The following ALMS1 variants were observed in gnomAD, a reference collection of about 807,000 sequenced individuals.
ALMS1 encodes the protein centrosome-associated protein ALMS1.
In ALMS1, 271 loss-of-function variants were observed where a neutral mutation model predicts 352.2. That is an observed-to-expected ratio of 0.77 (90% CI 0.70 to 0.85). The LOEUF is 0.85. Ranked by LOEUF, ALMS1 falls within the 40% of genes least tolerant of loss-of-function variation. The pLI is 0.00. For synonymous variants in ALMS1, 1,865 were observed against 1,761.2 expected, an observed-to-expected ratio of 1.06 and a Z score of -1.48; for missense variants, 5,445 against 4,870.7, an observed-to-expected ratio of 1.12 and a Z score of -3.51.
At chr2:73,417,079 C>G (rs1671194397) in intron 2 of ALMS1, among the ~76,000 whole-genome samples, 2 of 151,870 alleles carry the variant, frequency 1.3e-5, no homozygotes, top group African/African-American at 4.8e-5. Flanking sequence ...GTTAACAGAG[C>G]AAAAGCCTGT....
rs773841585 is a variant in ALMS1, at chr2:73,451,218, C to G, written c.4691C>G (p.Pro1564Arg). The part of the protein sequence containing the change: ...PGPADQTTGI[P>R]TITSTSYSFG... ...CCAGCTGACCAGACAACTGGCATAC[C>G]AACCATAACCTCTACTTCCTACTCA... is the stretch of plus-strand genomic sequence containing the variant. The change falls in exon 8 of 23, where the codon CCA becomes CGA. Residue 1564 changes from proline (P) to arginine (R), a missense_variant. Pro to Arg is a moderately radical substitution (Grantham distance 103). Coordinates refer to ENST00000613296, the MANE Select transcript of ALMS1 (RefSeq NM_001378454.1). 1.2e-6 allele frequency: 2 copies of G among 1,612,066 alleles called. No homozygotes were observed. The highest frequency in any genetic ancestry group is 1.7e-5 in the Admixed American group (1 of 59,798).
intron 16 of ALMS1, among the ~76,000 whole-genome samples, chr2:73,581,707 TC>T (rs1675183275): frequency 6.6e-6 from 1 of 152,128 alleles, no homozygotes; most frequent in African/African-American, 2.4e-5. Context: ...GAGTTGTGTG[TC>T]CCTCTGACCA....
intron 16 of ALMS1, among the ~76,000 whole-genome samples, chr2:73,574,721 T>C (rs1406555803): frequency 2.0e-5 from 3 of 152,124 alleles, no homozygotes; most frequent in Non-Finnish European, 2.9e-5. Flanking sequence ...ATAGGGGAGA[T>C]AGATAAATGG....
intron 1 of ALMS1, among the ~76,000 whole-genome samples, chr2:73,389,847 G>A (rs188145917): frequency 3.2e-4 from 49 of 152,004 alleles, no homozygotes; most frequent in African/African-American, 1.2e-3. Context: ...CCACCACCAC[G>A]CCTGGCTAAT....
intron 3 of ALMS1, among the ~76,000 whole-genome samples, chr2:73,421,289 T>C (rs569854329): frequency 2.6e-4 from 40 of 152,188 alleles, no homozygotes; most frequent in Non-Finnish European, 5.6e-4. Context: ...CTCTAATTTT[T>C]TTTGAGAAAA....
rs200979896 is a variant in ALMS1 at position 73,453,354 on chromosome 2, G to A, written c.6827G>A (p.Arg2276Gln). ...LMEAENMALK[R>Q]CNFPAPLARF... Reference sequence around the variant, plus strand: ...GAGGCAGAAAATATGGCACTGAAACGATGCAATTTTCCTGCTCCCCTTGCC... The same window carrying A: ...GAGGCAGAAAATATGGCACTGAAACAATGCAATTTTCCTGCTCCCCTTGCC... The change falls in exon 8 of 23, where the codon CGA becomes CAA. Residue 2276 changes from arginine to glutamine, a missense_variant. Transcript: ENST00000613296. 3.7e-5 allele frequency: 59 copies of A among 1,613,842 alleles called. No individual in the cohort carries two copies. The Admixed American group carries it at 8.7e-4, about 24-fold the overall frequency.
At position 73,448,266 on chromosome 2, in the gene ALMS1, A is replaced by C. The variant is rs780107802; in HGVS notation, c.1739A>C (p.Lys580Thr). 1.9e-6 allele frequency: 3 copies of C among 1,613,924 alleles called. No homozygotes were observed. The Admixed American group carries it at 5.0e-5, about 27-fold the overall frequency. Residue 580 changes from lysine to threonine, a missense_variant, in exon 8 of 23, where the codon AAG becomes ACG. By Grantham distance (78) the Lys-to-Thr change is moderately conservative. Coordinates refer to ENST00000613296, the MANE Select transcript of ALMS1 (RefSeq NM_001378454.1). ...TCTAGTTCCCACTCACATAGGGGGA[A>C]GCCCAGCATTTTCTACCAGCAGGGC... ...VLSSSHSHRGKPSIFYQQGLP... is the reference protein window; with the variant it reads ...VLSSSHSHRGTPSIFYQQGLP...
intron 11 of ALMS1, among the ~76,000 whole-genome samples, chr2:73,521,580 C>CAAA (rs565126393): frequency 1.1e-5 from 1 of 94,902 alleles, no homozygotes; most frequent in East Asian, 3.9e-4. Flanking sequence ...ACTAAAAATA[C>CAAA]AAAAAAAAAA....
chr2:73,493,346 T>TACACAC (rs55857864), intron 10 of ALMS1, among the ~76,000 whole-genome samples: 20 of 144,486 alleles, frequency 1.4e-4, no homozygotes, highest in South Asian at 4.5e-4. Flanking sequence ...TAAGGCAAAC[T>TACACAC]ACACACACAC....
rs201478438 is a variant in ALMS1, at chr2:73,422,969, T to A, written c.759T>A (p.Pro253=). The part of the protein sequence containing the change: ...LFHQSELSFA[P]LRGIPDKSED... ...ATCAAAGTGAACTAAGTTTTGCACCTCTGAGGTAGGATGATTTATTTGCAT... is the reference window on the plus strand; with the variant it reads ...ATCAAAGTGAACTAAGTTTTGCACCACTGAGGTAGGATGATTTATTTGCAT... The change falls in exon 4 of 23, where the codon CCT becomes CCA. Residue 253 remains proline (P), a synonymous_variant. Coordinates refer to ENST00000613296, the MANE Select transcript of ALMS1 (RefSeq NM_001378454.1). 53 of 1,604,122 alleles carry A rather than the reference T, an allele frequency of 3.3e-5. No homozygotes were observed. In the African/African-American group the frequency reaches 6.7e-4, roughly 20 times the overall value.
chr2:73,444,980 A>G (rs189756023), intron 7 of ALMS1, among the ~76,000 whole-genome samples: 19 of 152,294 alleles, frequency 1.2e-4, no homozygotes, highest in Admixed American at 1.1e-3. Flanking sequence ...AATAACAACA[A>G]TGAAGACAAA....
intron 10 of ALMS1, 68 bp from the exon 11 acceptor site, chr2:73,519,707 T>TGGAAAGAGATTTCAGTCTCTAATGGCCAA: frequency 1.2e-6 from 2 of 1,601,026 alleles, no homozygotes; most frequent in Non-Finnish European, 1.7e-6. Context: ...AAACCACTTT[T>TGGAAAGAGATTTCAGTCTCTAATGGCCAA]GGAAAGAGAT....
At chr2:73,563,359 T>A (rs1674705976) in intron 15 of ALMS1, among the ~76,000 whole-genome samples, 1 of 152,048 alleles carries the variant, frequency 6.6e-6, no homozygotes, top group Admixed American at 6.6e-5. Flanking sequence ...ATCAAATAAC[T>A]TAGCATAAAA....
intron 12 of ALMS1, among the ~76,000 whole-genome samples, chr2:73,541,939 A>T (rs1257205479): frequency 6.6e-6 from 1 of 152,238 alleles, no homozygotes; most frequent in Non-Finnish European, 1.5e-5. Flanking sequence ...TACCAGAGGT[A>T]CAAGGAGGAG....
At chr2:73,581,868 C>T (rs1214615990) in intron 16 of ALMS1, among the ~76,000 whole-genome samples, 5 of 152,058 alleles carry the variant, frequency 3.3e-5, no homozygotes, top group African/African-American at 1.2e-4. Flanking sequence ...CCTCAGCCTA[C>T]CGAGTAGCTG....
At chr2:73,484,252 C>T (rs1036637504) in intron 9 of ALMS1, among the ~76,000 whole-genome samples, 1 of 151,696 alleles carries the variant, frequency 6.6e-6, no homozygotes, top group Admixed American at 6.6e-5. Flanking sequence ...TTCAGGAGCT[C>T]TTTTAGGGCA....
rs1672983127 is a variant in ALMS1, at chr2:73,491,395, C to T, written c.9436C>T (p.Pro3146Ser). ...TATTACTCAGGACTTGAAAACCATA[C>T]CTTCTCAGAATAGCCAGATAGTAAC... ...NTITQDLKTI[P>S]SQNSQIVTSR... Residue 3146 changes from proline (P) to serine (S), a missense_variant, in exon 10 of 23, where the codon CCT becomes TCT. Physicochemically the swap from Pro to Ser is moderately conservative, Grantham distance 74. Transcript: ENST00000613296. 4 of 1,614,158 alleles carry T rather than the reference C, an allele frequency of 2.5e-6. No homozygotes were observed. The highest frequency in any genetic ancestry group is 3.4e-6 in the Non-Finnish European group (4 of 1,180,020).
intron 6 of ALMS1, among the ~76,000 whole-genome samples, chr2:73,431,473 G>A (rs893596426): frequency 6.6e-6 from 1 of 152,144 alleles, no homozygotes; most frequent in Non-Finnish European, 1.5e-5. Context: ...TTTTATGTGA[G>A]GGTGCACTGT....
In ALMS1 at chr2:73,450,584, C is replaced by T. The variant is rs1005994594; in HGVS notation, c.4057C>T (p.Pro1353Ser). 5.6e-6 allele frequency: 9 copies of T among 1,612,112 alleles called. No homozygotes were observed. In the South Asian group the frequency reaches 9.9e-5, roughly 18 times the overall value. The stretch of plus-strand genomic sequence containing the variant: ...CCAACAGGTCTTGCCACATAGTCAT[C>T]CAACTGAAGAGGCTCTGAAAATTTC... ...FYQQVLPHSH[P>S]TEEALKISVA... The change falls in exon 8 of 23, where the codon CCA becomes TCA. Residue 1353 changes from proline (P) to serine (S), a missense_variant. By Grantham distance (74) the Pro-to-Ser change is moderately conservative (BLOSUM62 -1). Coordinates refer to ENST00000613296, the MANE Select transcript of ALMS1 (RefSeq NM_001378454.1).
Sources: allele counts gnomAD v4.1 joint callset (sites outside exome capture counted in the v4.1 genomes callset), GRCh38; gene constraint gnomAD v4.1.1; transcripts MANE v1.5; gene names NCBI Gene and HGNC (gene_info 2026-07-23, HGNC 2026-07-21).